The following UBE2D2 variants were observed in gnomAD, a reference collection of about 807,000 sequenced individuals.
The protein encoded by UBE2D2 is ubiquitin-conjugating enzyme E2 D2.
Under a neutral mutation model 24.2 loss-of-function variants are expected in UBE2D2, and 2 were observed. That is an observed-to-expected ratio of 0.08 (90% confidence interval 0.03 to 0.26). The LOEUF is 0.26. Ranked by LOEUF, UBE2D2 falls within the 10% of genes least tolerant of loss-of-function variation. UBE2D2 has a pLI of 1.00. For synonymous variants in UBE2D2, 58 were observed against 56.5 expected, an observed-to-expected ratio of 1.03 and a Z score of -0.12; for missense variants, 44 against 177.6, an observed-to-expected ratio of 0.25 and a Z score of 4.28.
intron 1 of UBE2D2, among the ~76,000 whole-genome samples, chr5:139,532,869 G>A (rs937518057): frequency 6.6e-6 from 1 of 152,052 alleles, no homozygotes; most frequent in Admixed American, 6.6e-5. Flanking sequence ...CACTTTGGAA[G>A]GCCAAGGCGG....
intron 1 of UBE2D2, among the ~76,000 whole-genome samples, chr5:139,584,533 C>CTTTTT (rs10642044): frequency 0.05 from 6,666 of 132,818 alleles, 237 homozygotes; most frequent in South Asian, 0.096. Context: ...CTTTTCTTTT[C>CTTTTT]TTTTTTTTTT....
intron 5 of UBE2D2, among the ~76,000 whole-genome samples, chr5:139,619,425 G>T (rs977014895): frequency 4.7e-5 from 7 of 150,364 alleles, no homozygotes; most frequent in African/African-American, 9.8e-5. Context: ...TACTGATGAA[G>T]AATATATATA....
rs994462700 is a variant in UBE2D2 at position 139,599,869 on chromosome 5, T to A, written c.25-503T>A. Among the ~76,000 whole-genome samples, 130 of 152,114 alleles carry A rather than the reference T, an allele frequency of 8.5e-4. 2 individuals are homozygous for A. Among genetic ancestry groups the A allele is most frequent in the African/African-American group, 3.0e-3 (125 of 41,550 alleles). On this transcript the variant is annotated intron_variant, in intron 1 of 6. Transcript: ENST00000398733. The stretch of plus-strand genomic sequence containing the variant: ...CCCAGGCTGGAGTGCAGTGGTGCAA[T>A]CTTGGCTTACTGCAACCTCCGCCTC...
chr5:139,552,458 G>A lies in UBE2D2; in HGVS notation c.-64+25846G>A, dbSNP rs1752931861. Among the ~76,000 whole-genome samples, 3 of 151,118 alleles carry A rather than the reference G, an allele frequency of 2.0e-5. 1 individual carries two copies. The highest frequency in any genetic ancestry group is 7.3e-5 in the African/African-American group (3 of 41,230). ...GTTGGGATTACATGCATGAACCACC[G>A]TGCCCAGCCTCTAATAGCTAACTTC... On this transcript the variant is annotated intron_variant, in intron 1 of 6. Transcript: ENST00000511725.
At chr5:139,565,209 A>G (rs1753191929) in intron 1 of UBE2D2, among the ~76,000 whole-genome samples, 1 of 152,228 alleles carries the variant, frequency 6.6e-6, no homozygotes, top group African/African-American at 2.4e-5. Flanking sequence ...CAGGAATTCA[A>G]TATCTTGTTT....
At chr5:139,609,600 A>T (rs1015481713) in intron 2 of UBE2D2, among the ~76,000 whole-genome samples, 1 of 149,602 alleles carries the variant, frequency 6.7e-6, no homozygotes, top group Non-Finnish European at 1.5e-5. Context: ...TGAACTCCCA[A>T]CCTCAGGTGA....
At chr5:139,626,693 A>C (rs948257132) in intron 6 of UBE2D2, 63 bp from the exon 7 acceptor site, 1 of 1,360,252 alleles carries the variant, frequency 7.4e-7, no homozygotes, top group Non-Finnish European at 1.1e-6. Flanking sequence ...GGGATAATGA[A>C]TGGAATCTGT....
upstream of UBE2D2, among the ~76,000 whole-genome samples, chr5:139,556,263 T>G (rs758452637): frequency 2.7e-5 from 4 of 147,142 alleles, no homozygotes; most frequent in Non-Finnish European, 6.0e-5. Context: ...AATCAAACAT[T>G]AGCTGGGCGT....
At chr5:139,571,470 A>G (rs1026216002) in intron 1 of UBE2D2, among the ~76,000 whole-genome samples, 2 of 152,002 alleles carry the variant, frequency 1.3e-5, no homozygotes, top group Non-Finnish European at 2.9e-5. Context: ...ACTGTGCATC[A>G]GGAATTACTT....
At chr5:139,546,811 TTTCTTTCTTCCTTC>T (rs1752834219) in intron 1 of UBE2D2, among the ~76,000 whole-genome samples, 1 of 128,602 alleles carries the variant, frequency 7.8e-6, no homozygotes, top group African/African-American at 2.8e-5. Context: ...TTCTTTCTTC[TTTCTTTCTTCCTTC>T]CTTCCTTCCT....
chr5:139,607,786 C>T (rs775580278), intron 2 of UBE2D2, among the ~76,000 whole-genome samples: 2 of 152,022 alleles, frequency 1.3e-5, no homozygotes, highest in African/African-American at 2.4e-5. Context: ...GCAGAAGGAT[C>T]GCTTGAGGCC....
chr5:139,588,146 A>G (rs1289190110), intron 1 of UBE2D2, among the ~76,000 whole-genome samples: 1 of 151,506 alleles, frequency 6.6e-6, no homozygotes, highest in African/African-American at 2.4e-5. Context: ...TCTATTTTGT[A>G]GAGATGGAGT....
chr5:139,623,522 C>G, intron 6 of UBE2D2, 61 bp downstream of exon 6: 1 of 1,425,928 alleles, frequency 7.0e-7, no homozygotes, highest in South Asian at 1.2e-5. Flanking sequence ...TGTCACAAAT[C>G]TTTCTTGTTT....
At chr5:139,620,200 G>C (rs547460237) in intron 5 of UBE2D2, among the ~76,000 whole-genome samples, 2 of 152,278 alleles carry the variant, frequency 1.3e-5, no homozygotes, top group African/African-American at 4.8e-5. Context: ...TTTGTGTGGG[G>C]ACACAGATCC....
At chr5:139,584,013 G>A (rs1253067083) in intron 1 of UBE2D2, among the ~76,000 whole-genome samples, 1 of 152,116 alleles carries the variant, frequency 6.6e-6, no homozygotes, top group Non-Finnish European at 1.5e-5. Flanking sequence ...TAGCCTGAGT[G>A]TACAGTGTTT....
In UBE2D2 at chr5:139,561,596, C is replaced by A. The variant is rs1165077148; in HGVS notation, c.-196C>A. 6.8e-6 allele frequency: 3 copies of A among 439,684 alleles called. No individual in the cohort carries two copies. Among genetic ancestry groups the A allele is most frequent in the Non-Finnish European group, 1.2e-5 (3 of 251,044 alleles). 27.2% of individuals were successfully genotyped at this position (439,684 alleles called of 1,614,324 possible). ...ATAAAGGGGCCGCCGCCGGGTGATGCGGTGACCGCTGCGGCAGGCCCAGGA... is the reference window on the plus strand; with the variant it reads ...ATAAAGGGGCCGCCGCCGGGTGATGAGGTGACCGCTGCGGCAGGCCCAGGA... On this transcript the variant is annotated 5_prime_UTR_variant, in exon 1 of 7. Transcript: ENST00000398733.
At chr5:139,543,761 G>A (rs145671804) in intron 1 of UBE2D2, among the ~76,000 whole-genome samples, 35 of 152,346 alleles carry the variant, frequency 2.3e-4, no homozygotes, top group Admixed American at 3.3e-4. Flanking sequence ...ATTAAATGTC[G>A]TCTGCTTCCT....
chr5:139,545,595 T>G (rs1393387505), intron 1 of UBE2D2, among the ~76,000 whole-genome samples: 1 of 151,268 alleles, frequency 6.6e-6, no homozygotes, highest in African/African-American at 2.4e-5. Flanking sequence ...CCAGCTAATT[T>G]TTGTATTTTT....
At chr5:139,590,447 A>T (rs1581514020) in intron 1 of UBE2D2, among the ~76,000 whole-genome samples, 1 of 151,748 alleles carries the variant, frequency 6.6e-6, no homozygotes, top group Admixed American at 6.6e-5. Context: ...AAAAAATAAA[A>T]AAAAAAAAAA....
Sources: gnomAD v4.1 joint callset for allele counts (sites outside exome capture counted in the v4.1 genomes callset) on GRCh38, gnomAD v4.1.1 for gene constraint, MANE v1.5 for transcripts, NCBI Gene and HGNC (gene_info 2026-07-23, HGNC 2026-07-21) for gene names.